SEMA3A: variants seen among roughly 807,000 people sequenced by gnomAD.
The protein encoded by SEMA3A is semaphorin-3A.
Under a neutral mutation model 97.9 loss-of-function variants are expected in SEMA3A, and 29 were observed. The ratio of observed to expected loss-of-function variants is 0.30; its 90% CI spans 0.22 to 0.40. SEMA3A has a LOEUF of 0.40. SEMA3A is among the 10% of genes least tolerant of loss of function. SEMA3A has a pLI of 1.00. For synonymous variants in SEMA3A, 321 were observed against 323.7 expected, an observed-to-expected ratio of 0.99 and a Z score of 0.09; for missense variants, 763 against 951.3, an observed-to-expected ratio of 0.80 and a Z score of 2.60.
At chr7:84,197,779 C>T (rs1798267889), upstream of SEMA3A, among the ~76,000 whole-genome samples, 6 of 147,986 alleles carry the variant, frequency 4.1e-5, no homozygotes, top group South Asian at 1.3e-3. Flanking sequence ...TCGCTCCGTC[C>T]CCCAGGCTGG....
In SEMA3A at chr7:84,335,035, T is replaced by C. The variant is rs575694225; in HGVS notation, c.-168-27743A>G. On this transcript the variant is annotated intron_variant, in intron 2 of 3. Transcript: ENST00000424555. Reference sequence around the variant, plus strand: ...AACATGCTGTATATATTTTCTACTATAAATGCTTTAATATTTCCTTACTGA... The same window carrying C: ...AACATGCTGTATATATTTTCTACTACAAATGCTTTAATATTTCCTTACTGA... 2.0e-3 allele frequency among the ~76,000 whole-genome samples: 311 copies of C among 152,336 alleles called. 1 individual carries two copies. The highest frequency in any genetic ancestry group is 4.0e-3 in the Non-Finnish European group (269 of 68,024).
rs538702256 is a variant in SEMA3A at position 84,336,713 on chromosome 7, G to A, written c.-168-29421C>T. ...TAGGTTCCAACAGAAGAATTCATCA[G>A]AAAGAAACATCCTCAAGTAGGGCTA... is the stretch of plus-strand genomic sequence containing the variant. On this transcript the variant is annotated intron_variant, in intron 2 of 3. Transcript: ENST00000424555. 2.6e-5 allele frequency among the ~76,000 whole-genome samples: 4 copies of A among 152,212 alleles called. No individual in the cohort carries two copies. The South Asian group carries it at 8.3e-4, about 32-fold the overall frequency.
At chr7:83,983,748 G>T (rs573994462) in intron 13 of SEMA3A, among the ~76,000 whole-genome samples, 1 of 152,208 alleles carries the variant, frequency 6.6e-6, no homozygotes, top group African/African-American at 2.4e-5. Context: ...GCACCATTGA[G>T]CAGAATCCAG....
intron 15 of SEMA3A, among the ~76,000 whole-genome samples, chr7:83,975,038 A>G (rs1789088870): frequency 6.6e-6 from 1 of 152,140 alleles, no homozygotes; most frequent in Non-Finnish European, 1.5e-5. Flanking sequence ...GCCATTCTAT[A>G]TGCCAAATTT....
At chr7:84,255,534 T>A (rs781390588) in intron 3 of SEMA3A, among the ~76,000 whole-genome samples, 5 of 152,114 alleles carry the variant, frequency 3.3e-5, no homozygotes, top group Non-Finnish European at 5.9e-5. Context: ...ACCTGAAGAA[T>A]TACTCAAATG....
intron 12 of SEMA3A, among the ~76,000 whole-genome samples, chr7:83,995,854 C>T (rs549897590): frequency 2.0e-5 from 3 of 152,230 alleles, no homozygotes; most frequent in Non-Finnish European, 4.4e-5. Context: ...CTATTGGAGG[C>T]TAAACACAAG....
At chr7:84,423,168 A>G (rs1056530451) in intron 1 of SEMA3A, among the ~76,000 whole-genome samples, 1 of 152,084 alleles carries the variant, frequency 6.6e-6, no homozygotes, top group Non-Finnish European at 1.5e-5. Flanking sequence ...TTTCTATCAA[A>G]TAAGTACAAT....
At chr7:84,453,412 A>T (rs1440842449) in intron 1 of SEMA3A, among the ~76,000 whole-genome samples, 1 of 151,286 alleles carries the variant, frequency 6.6e-6, no homozygotes, top group Non-Finnish European at 1.5e-5. Flanking sequence ...AATTTTTTGT[A>T]TTTTTAGTAG....
At chr7:84,367,158 G>T (rs1263058480) in intron 2 of SEMA3A, among the ~76,000 whole-genome samples, 1 of 151,300 alleles carries the variant, frequency 6.6e-6, no homozygotes, top group Non-Finnish European at 1.5e-5. Flanking sequence ...TGGGGCTAGA[G>T]TAGAAGTAAG....
chr7:84,395,916 C>A (rs1055439958), intron 1 of SEMA3A, among the ~76,000 whole-genome samples: 1 of 152,036 alleles, frequency 6.6e-6, no homozygotes, highest in Non-Finnish European at 1.5e-5. Context: ...AATGTATGTA[C>A]AGATTTAGAA....
intron 1 of SEMA3A, among the ~76,000 whole-genome samples, chr7:84,393,737 T>C (rs1803651552): frequency 1.3e-5 from 2 of 152,156 alleles, no homozygotes; most frequent in African/African-American, 4.8e-5. Flanking sequence ...GGTGCCATAT[T>C]TGATAAACAG....
At chr7:84,182,497 G>A (rs1797763023) in intron 1 of SEMA3A, among the ~76,000 whole-genome samples, 1 of 152,080 alleles carries the variant, frequency 6.6e-6, no homozygotes, top group African/African-American at 2.4e-5. Flanking sequence ...TACAGTCTGA[G>A]ATGCAGCCAA....
chr7:84,010,177 G>C (rs1293920093), intron 9 of SEMA3A, among the ~76,000 whole-genome samples: 1 of 151,954 alleles, frequency 6.6e-6, no homozygotes, highest in African/African-American at 2.4e-5. Flanking sequence ...TTTACAAAGA[G>C]AATCTATTTA....
intron 9 of SEMA3A, among the ~76,000 whole-genome samples, chr7:84,008,254 G>T (rs1790744424): frequency 1.3e-5 from 2 of 152,122 alleles, no homozygotes; most frequent in African/African-American, 4.8e-5. Context: ...CACTTTGGGA[G>T]GCCAAGGCGG....
At chr7:84,110,991 C>A (rs1399189508) in intron 3 of SEMA3A, among the ~76,000 whole-genome samples, 2 of 151,796 alleles carry the variant, frequency 1.3e-5, no homozygotes, top group Non-Finnish European at 2.9e-5. Flanking sequence ...AATTTACTTG[C>A]AAAAATCAGT....
At chr7:83,964,706 T>G (rs76609834) in intron 15 of SEMA3A, among the ~76,000 whole-genome samples, 7,755 of 152,234 alleles carry the variant, frequency 0.051, 661 homozygotes, top group African/African-American at 0.18. Flanking sequence ...CTGTCTCTTA[T>G]TGAAAAGATC....
At chr7:84,020,851 C>A (rs1403738146) in intron 6 of SEMA3A, among the ~76,000 whole-genome samples, 6 of 151,986 alleles carry the variant, frequency 3.9e-5, no homozygotes, top group Non-Finnish European at 5.9e-5. Flanking sequence ...TATCTATTTC[C>A]TCTAAGCCCC....
chr7:84,206,329 T>C (rs555866893), intron 3 of SEMA3A, among the ~76,000 whole-genome samples: 4 of 150,828 alleles, frequency 2.7e-5, no homozygotes, highest in Admixed American at 6.6e-5. Flanking sequence ...CATTTTTTTT[T>C]TTTTTTTTTT....
intron 15 of SEMA3A, among the ~76,000 whole-genome samples, chr7:83,973,722 G>C (rs1271698555): frequency 1.3e-5 from 2 of 151,976 alleles, no homozygotes; most frequent in African/African-American, 2.4e-5. Flanking sequence ...AGATAATTAA[G>C]AAGATTGGAT....
Sources: gnomAD v4.1 joint callset for allele counts (sites outside exome capture counted in the v4.1 genomes callset) on GRCh38, gnomAD v4.1.1 for gene constraint, MANE v1.5 for transcripts, NCBI Gene and HGNC (gene_info 2026-07-23, HGNC 2026-07-21) for gene names.